The following CDH2 variants were observed in gnomAD, a reference collection of about 807,000 sequenced individuals.
The protein encoded by CDH2 is cadherin 2.
CDH2 carries 17 observed loss-of-function variants against 92.0 expected under a neutral mutation model. The observed-to-expected ratio is 0.18, with a 90% CI of 0.13 to 0.28. The LOEUF (loss-of-function observed/expected upper bound fraction) is 0.28, where lower values mean the gene tolerates loss of function less well. CDH2 is among the 10% of genes least tolerant of loss of function. CDH2 has a pLI of 1.00. For missense variants in CDH2, 862 were observed against 1,133.1 expected (o/e 0.76, Z 3.44); for synonymous variants, 419 against 415.9 (o/e 1.01, Z -0.09).
chr18:27,951,962 T>G lies in CDH2; in HGVS notation c.*191A>C. On this transcript the variant is annotated 3_prime_UTR_variant, in exon 16 of 16. Transcript: ENST00000269141. The stretch of plus-strand genomic sequence containing the variant: ...CTGTAAAATTCAAGTGTAACTGAGC[T>G]CAGTGTTTTTCCAAACAGTATGGAT... The G allele has an allele frequency of 1.7e-6, 1 of 592,110 alleles. No individual in the cohort carries two copies. The allele number at this position is 592,110 out of a possible 1,614,324, so 36.7% of individuals were successfully genotyped here.
chr18:28,030,229 T>C (rs2013658644), intron 2 of CDH2, among the ~76,000 whole-genome samples: 1 of 151,508 alleles, frequency 6.6e-6, no homozygotes, highest in Non-Finnish European at 1.5e-5. Context: ...AGCATAAAAG[T>C]GAAGAAAAAC....
At chr18:28,110,594 G>A (rs748140293) in intron 2 of CDH2, among the ~76,000 whole-genome samples, 1 of 152,152 alleles carries the variant, frequency 6.6e-6, no homozygotes, top group Non-Finnish European at 1.5e-5. Flanking sequence ...AATAGCAGGA[G>A]TCATGAGAAG....
At chr18:27,957,434 A>G (rs1433706507) in intron 15 of CDH2, among the ~76,000 whole-genome samples, 5 of 137,208 alleles carry the variant, frequency 3.6e-5, no homozygotes, top group African/African-American at 8.0e-5. Flanking sequence ...TTTTTTTTGT[A>G]TAGAGGGTTT....
At chr18:27,966,112 G>C (rs1186032716) in intron 14 of CDH2, among the ~76,000 whole-genome samples, 3 of 151,304 alleles carry the variant, frequency 2.0e-5, no homozygotes, top group Non-Finnish European at 2.9e-5. Flanking sequence ...GCACAACAGA[G>C]TGGGGTGAAC....
At chr18:28,161,381 C>T (rs1290199052) in intron 1 of CDH2, among the ~76,000 whole-genome samples, 1 of 151,978 alleles carries the variant, frequency 6.6e-6, no homozygotes, top group Non-Finnish European at 1.5e-5. Context: ...GAGTTCGAGA[C>T]CAGCCTGGCC....
At chr18:27,969,486 T>C (rs2011606056) in intron 14 of CDH2, among the ~76,000 whole-genome samples, 1 of 152,220 alleles carries the variant, frequency 6.6e-6, no homozygotes, top group African/African-American at 2.4e-5. Context: ...TACACTTCTA[T>C]TTTAGAAACT....
intron 2 of CDH2, among the ~76,000 whole-genome samples, chr18:28,056,004 G>A (rs1285981165): frequency 6.6e-6 from 1 of 152,032 alleles, no homozygotes; most frequent in Non-Finnish European, 1.5e-5. Context: ...ACTGGAAATA[G>A]TAGGGCAAAT....
chr18:28,078,777 C>A (rs2014773755), intron 2 of CDH2, among the ~76,000 whole-genome samples: 1 of 151,936 alleles, frequency 6.6e-6, no homozygotes, highest in African/African-American at 2.4e-5. Context: ...TTTCTATACT[C>A]CTCGCCCCAG....
intron 5 of CDH2, among the ~76,000 whole-genome samples, chr18:28,007,441 A>G (rs532936369): frequency 4.6e-5 from 7 of 151,566 alleles, no homozygotes; most frequent in African/African-American, 1.2e-4. Flanking sequence ...GATGCTTGCC[A>G]TTGGTTGCTG....
chr18:28,155,974 G>A (rs907854226), intron 1 of CDH2, among the ~76,000 whole-genome samples: 1 of 152,090 alleles, frequency 6.6e-6, no homozygotes, highest in Non-Finnish European at 1.5e-5. Context: ...GTTTAACCCT[G>A]AACAGCTGCA....
chr18:27,963,065 A>G (rs72894872), intron 15 of CDH2, among the ~76,000 whole-genome samples: 3,588 of 152,282 alleles, frequency 0.024, 60 homozygotes, highest in Middle Eastern at 0.065. Context: ...ATTACTTGTA[A>G]TCTAGGAAAA....
chr18:27,982,897 T>A (rs773888538), intron 14 of CDH2, 47 bp downstream of exon 14: 23 of 1,376,470 alleles, frequency 1.7e-5, no homozygotes, highest in Non-Finnish European at 2.1e-5. Flanking sequence ...ACTATTAAAT[T>A]TATACGATCA....
intron 1 of CDH2, among the ~76,000 whole-genome samples, chr18:28,148,869 C>T (rs1482368012): frequency 6.6e-6 from 1 of 152,002 alleles, no homozygotes; most frequent in African/African-American, 2.4e-5. Context: ...ACTAATGTTG[C>T]AAAAATCTAG....
At chr18:28,123,623 A>G (rs540636441) in intron 2 of CDH2, among the ~76,000 whole-genome samples, 11 of 152,272 alleles carry the variant, frequency 7.2e-5, no homozygotes, top group African/African-American at 1.4e-4. Context: ...AACCTCAAAC[A>G]TAATTTTGAT....
At chr18:28,121,886 A>T (rs1316677868) in intron 2 of CDH2, among the ~76,000 whole-genome samples, 3 of 152,040 alleles carry the variant, frequency 2.0e-5, no homozygotes, top group Non-Finnish European at 2.9e-5. Context: ...TGGAGGTGAG[A>T]TGAGTAAGTG....
intron 7 of CDH2, among the ~76,000 whole-genome samples, chr18:27,996,593 G>C (rs1346119656): frequency 6.6e-6 from 1 of 152,136 alleles, no homozygotes; most frequent in Non-Finnish European, 1.5e-5. Flanking sequence ...ACTGTTTATA[G>C]TTTATATGGC....
At chr18:28,037,028 T>G (rs2144097755) in intron 2 of CDH2, among the ~76,000 whole-genome samples, 1 of 152,186 alleles carries the variant, frequency 6.6e-6, no homozygotes, top group African/African-American at 2.4e-5. Context: ...GGAACTTGGG[T>G]GAAAAGTCAA....
intron 2 of CDH2, among the ~76,000 whole-genome samples, chr18:28,055,519 T>C (rs922565945): frequency 1.3e-5 from 2 of 152,306 alleles, no homozygotes; most frequent in South Asian, 2.1e-4. Flanking sequence ...ATTTGGAGAC[T>C]GGCAAATGAA....
At position 28,162,602 on chromosome 18, in the gene CDH2, C is replaced by A. The variant is rs141747909; in HGVS notation, c.60+14361G>T. ...CGAGTTTGCTCCATGAAACTGAGAT[C>A]TTTTAAATCCTCATTCTAAAGTCCA... On this transcript the variant is annotated intron_variant, in intron 1 of 15. Coordinates refer to ENST00000269141, the MANE Select transcript of CDH2 (RefSeq NM_001792.5). 8.1e-4 allele frequency among the ~76,000 whole-genome samples: 123 copies of A among 152,274 alleles called. 2 individuals are homozygous for A. In the East Asian group the frequency reaches 0.015, roughly 18 times the overall value.
Sources: allele counts gnomAD v4.1 joint callset (sites outside exome capture counted in the v4.1 genomes callset), GRCh38; gene constraint gnomAD v4.1.1; transcripts MANE v1.5; gene names NCBI Gene and HGNC (gene_info 2026-07-23, HGNC 2026-07-21).